Variants in PSMF1 observed in about 807,000 individuals in gnomAD.
The protein encoded by PSMF1 is proteasome inhibitor subunit 1.
PSMF1 carries 30 observed loss-of-function variants against 29.3 expected under a neutral mutation model. The observed-to-expected ratio is 1.02, with a 90% CI of 0.77 to 1.39. PSMF1 has a LOEUF of 1.39. Among genes scored for constraint, PSMF1 ranks in the 40% most tolerant of loss-of-function variants. The pLI is 0.00. For missense variants in PSMF1, 344 were observed against 357.5 expected (o/e 0.96, Z 0.31); for synonymous variants, 134 against 139.7 (o/e 0.96, Z 0.29).
In PSMF1 at chr20:1,164,890, C is replaced by T. The variant is rs1334372629; in HGVS notation, c.765-139C>T. 6 of 786,850 alleles carry T rather than the reference C, an allele frequency of 7.6e-6. No individual in the cohort carries two copies. Among genetic ancestry groups the T allele is most frequent in the Non-Finnish European group, 1.3e-5 (6 of 462,460 alleles). The allele number at this position is 786,850 out of a possible 1,614,324, so 48.7% of individuals were successfully genotyped here. A position where few individuals can be genotyped will look rare whatever the true frequency, so the allele number is the denominator to read the frequency against. ...CAGGATTCAAACCCCGGTTGTCTGG[C>T]TCTTGAGTGCATGTGTTTAAATTCC... On this transcript the variant is annotated intron_variant, in intron 6 of 6. Coordinates refer to ENST00000335877, the MANE Select transcript of PSMF1 (RefSeq NM_006814.5). This position sits in a 1 kb window ranked among gnomAD's most constrained non-coding sequence, Gnocchi z 4.1.
chr20:1,148,563 A>T (rs955707697), intron 4 of PSMF1, among the ~76,000 whole-genome samples: 8 of 152,218 alleles, frequency 5.3e-5, no homozygotes, highest in African/African-American at 1.9e-4. Flanking sequence ...CATATTTTTA[A>T]ATGTTCCAAA....
intron 1 of PSMF1, among the ~76,000 whole-genome samples, chr20:1,124,835 T>A (rs2086134045): frequency 6.6e-6 from 1 of 152,254 alleles, no homozygotes; most frequent in African/African-American, 2.4e-5. Context: ...ATTTTTATGG[T>A]TGCATGTATA....
intron 4 of PSMF1, among the ~76,000 whole-genome samples, chr20:1,156,316 A>G (rs1230204470): frequency 6.6e-6 from 1 of 152,190 alleles, no homozygotes; most frequent in East Asian, 1.9e-4. Context: ...GAGAAGGAGA[A>G]GAGGAGGAGA....
At chr20:1,128,968 C>T (rs537335387) in intron 3 of PSMF1, among the ~76,000 whole-genome samples, 36 of 152,150 alleles carry the variant, frequency 2.4e-4, no homozygotes, top group African/African-American at 7.2e-4. Flanking sequence ...CTCTACCTCC[C>T]GGGTTCACGC....
intron 3 of PSMF1, chr20:1,134,846 T>A (rs1441885671): frequency 2.0e-6 from 1 of 504,626 alleles, no homozygotes; most frequent in Non-Finnish European, 3.6e-6. Context: ...CCAGGCCCTG[T>A]GCCCCTACAC....
chr20:1,167,079 T>G lies in PSMF1; in HGVS notation c.*1999T>G, dbSNP rs1009839863. On this transcript the variant is annotated 3_prime_UTR_variant, in exon 7 of 7. Coordinates refer to ENST00000335877, the MANE Select transcript of PSMF1 (RefSeq NM_006814.5). ...CACCTTCAGAATTGGCCATTTTTTT[T>G]GTGAGTTTCCTTGCATCAAGGACAC... 1 of 152,228 alleles carries G rather than the reference T, an allele frequency of 6.6e-6. No homozygotes were observed. The highest frequency in any genetic ancestry group is 1.5e-5 in the Non-Finnish European group (1 of 68,032). 9.4% of individuals were successfully genotyped at this position (152,228 alleles called of 1,614,324 possible).
chr20:1,147,026 C>T (rs2122553472), intron 4 of PSMF1, among the ~76,000 whole-genome samples: 1 of 152,116 alleles, frequency 6.6e-6, no homozygotes, highest in African/African-American at 2.4e-5. Flanking sequence ...TACCATCTTC[C>T]CCCCAAAACA....
chr20:1,116,638 A>C (rs928368996), upstream of PSMF1, among the ~76,000 whole-genome samples: 1 of 152,238 alleles, frequency 6.6e-6, no homozygotes, highest in Non-Finnish European at 1.5e-5. Context: ...GATTGATCCC[A>C]GAAGGCACTC....
At chr20:1,116,799 G>T (rs1052952820), upstream of PSMF1, among the ~76,000 whole-genome samples, 1 of 152,094 alleles carries the variant, frequency 6.6e-6, no homozygotes, top group Non-Finnish European at 1.5e-5. Context: ...GCCAGAGAGG[G>T]ATTAAAGACG....
chr20:1,121,424 G>T (rs528051874), intron 1 of PSMF1, among the ~76,000 whole-genome samples: 2 of 152,066 alleles, frequency 1.3e-5, no homozygotes, highest in Non-Finnish European at 2.9e-5. Context: ...TGCCATTGGG[G>T]CTCAGGTTGC....
At chr20:1,135,069 C>G (rs769291374) in intron 3 of PSMF1, 52 bp from the exon 4 acceptor site, 2 of 1,593,266 alleles carry the variant, frequency 1.3e-6, no homozygotes, top group African/African-American at 1.3e-5. Flanking sequence ...AATACCACTT[C>G]CAGGGTTCCT....
chr20:1,132,233 TTC>T (rs2086238981), intron 3 of PSMF1, among the ~76,000 whole-genome samples: 1 of 152,070 alleles, frequency 6.6e-6, no homozygotes, highest in African/African-American at 2.4e-5. Flanking sequence ...CTATTCTAGG[TTC>T]TGTGCCTTTT....
rs977811317 is a variant in PSMF1 at position 1,170,822 on chromosome 20, C to T, written c.*5742C>T. ...TGGGACTCAAGGACAAGAGAGGAAC[C>T]TTGGAATATCCCCCAGTGCAGGAAA... is the stretch of plus-strand genomic sequence containing the variant. On this transcript the variant is annotated 3_prime_UTR_variant, in exon 7 of 7. Transcript: ENST00000335877. Among the ~76,000 whole-genome samples, 2 of 152,060 alleles carry T rather than the reference C, an allele frequency of 1.3e-5. No homozygotes were observed. The highest frequency in any genetic ancestry group is 4.2e-4 in the South Asian group (2 of 4,818).
chr20:1,156,640 A>T (rs1483751419), intron 4 of PSMF1, among the ~76,000 whole-genome samples: 2 of 152,242 alleles, frequency 1.3e-5, no homozygotes, highest in South Asian at 2.1e-4. Flanking sequence ...TTGTCAACCC[A>T]GAATTCTATA....
chr20:1,167,681 A>G lies in PSMF1; in HGVS notation c.*2601A>G, dbSNP rs1357576796. The G allele has an allele frequency of 2.0e-5, 3 of 151,940 alleles. No individual in the cohort carries two copies. Among genetic ancestry groups the G allele is most frequent in the Non-Finnish European group, 2.9e-5 (2 of 68,036 alleles). The allele number at this position is 151,940 out of a possible 1,614,324, so 9.4% of individuals were successfully genotyped here. ...AAGATTCATTCATGCTGTAGCATGT[A>G]TCCATGGTATGGATATATCACATTT... On this transcript the variant is annotated 3_prime_UTR_variant, in exon 7 of 7. Coordinates refer to ENST00000335877, the MANE Select transcript of PSMF1 (RefSeq NM_006814.5).
chr20:1,124,336 A>T (rs1024224591), intron 1 of PSMF1, among the ~76,000 whole-genome samples: 4 of 152,220 alleles, frequency 2.6e-5, no homozygotes, highest in Non-Finnish European at 4.4e-5. Context: ...ACTCACAATA[A>T]AAGATGTATT....
chr20:1,126,491 A>G (rs925808331), intron 2 of PSMF1, among the ~76,000 whole-genome samples: 1 of 151,992 alleles, frequency 6.6e-6, no homozygotes, highest in Non-Finnish European at 1.5e-5. Context: ...TTCCCTTTTG[A>G]TGAACATTTA....
rs761711452 is a variant in PSMF1 at position 1,153,432 on chromosome 20, CTG to C, written c.552-9694_552-9693del. ...TGCCACCTCTTCAAAGCCAGCAGTG[CTG>C]TGTTGAGTCTCTTCTTGGGCATTCT... On this transcript the variant is annotated intron_variant, in intron 4 of 6. Coordinates refer to ENST00000335877, the MANE Select transcript of PSMF1 (RefSeq NM_006814.5). Among the ~76,000 whole-genome samples the C allele has an allele frequency of 2.0e-5, 3 of 152,264 alleles. No homozygotes were observed. The East Asian group carries it at 5.8e-4, about 29-fold the overall frequency.
chr20:1,127,946 C>T (rs1355312621), intron 3 of PSMF1, among the ~76,000 whole-genome samples: 3 of 152,226 alleles, frequency 2.0e-5, no homozygotes, highest in Non-Finnish European at 4.4e-5. Flanking sequence ...CATACACCCA[C>T]AGTTTACAGC....
Sources: allele counts gnomAD v4.1 joint callset (sites outside exome capture counted in the v4.1 genomes callset), GRCh38; gene constraint gnomAD v4.1.1; non-coding constraint Gnocchi (gnomAD v3.1); transcripts MANE v1.5; gene names NCBI Gene and HGNC (gene_info 2026-07-23, HGNC 2026-07-21).